The following OR5V1 variants were observed in gnomAD, a reference collection of about 807,000 sequenced individuals.
OR5V1 encodes olfactory receptor family 5 subfamily V member 1.
For synonymous variants in OR5V1, 134 were observed against 143.2 expected (o/e 0.94, Z 0.46); for missense variants, 365 against 371.5 (o/e 0.98, Z 0.14).
Position 29,355,650 on chromosome 6 carries a change from G to C in OR5V1, c.546C>G (p.Pro182=), listed in dbSNP as rs761878566. 1.9e-6 allele frequency: 3 copies of C among 1,613,998 alleles called. No individual in the cohort carries two copies. The South Asian group carries it at 3.3e-5, about 18-fold the overall frequency. Residue 182 remains proline, a synonymous_variant, in exon 2 of 2, where the codon CCC becomes CCG. Coordinates refer to ENST00000641768, the MANE Select transcript of OR5V1 (RefSeq NM_030876.6). ...TTCCACAAGACAAGATCAGCAAAGG[G>C]GGGATGTCACAGAAGAAGTAATTAA... ...NQINYFFCDI[P]PLLILSCGNT... is the part of the protein sequence containing the mutation.
chr6:29,355,541 T>C lies in OR5V1; in HGVS notation c.655A>G (p.Ile219Val), dbSNP rs1300941088. ...TPFLCIVLSY[I>V]CIISTILRIQ... ...CTCAAGATGGTGGAGATTATGCAAA[T>C]GTAGGAAAGTACGATACAAAGGAAA... Residue 219 changes from isoleucine (I) to valine (V), a missense_variant, in exon 2 of 2, where the codon ATT becomes GTT. By Grantham distance (29) the Ile-to-Val change is conservative. Coordinates refer to ENST00000641768, the MANE Select transcript of OR5V1 (RefSeq NM_030876.6). 3.2e-5 allele frequency: 51 copies of C among 1,613,962 alleles called. No individual in the cohort carries two copies. Among genetic ancestry groups the C allele is most frequent in the Non-Finnish European group, 4.2e-5 (49 of 1,179,898 alleles).
chr6:29,365,487 G>A (rs752809681), intron 1 of OR5V1, among the ~76,000 whole-genome samples: 2 of 152,108 alleles, frequency 1.3e-5, no homozygotes, highest in Non-Finnish European at 2.9e-5. Flanking sequence ...TCAAAAAGTG[G>A]GTGATGGATA....
intron 1 of OR5V1, among the ~76,000 whole-genome samples, chr6:29,362,826 A>C (rs1320604113): frequency 6.6e-6 from 1 of 152,060 alleles, no homozygotes; most frequent in Non-Finnish European, 1.5e-5. Flanking sequence ...TAGAGCACTA[A>C]ATGCCCACGT....
At chr6:29,364,887 A>AACAGCATG (rs1430740820) in intron 1 of OR5V1, among the ~76,000 whole-genome samples, 1 of 151,068 alleles carries the variant, frequency 6.6e-6, no homozygotes, top group Non-Finnish European at 1.5e-5. Flanking sequence ...CAGTAACCAA[A>AACAGCATG]ACAGCATGAT....
chr6:29,362,209 A>G (rs1778597871), intron 1 of OR5V1, among the ~76,000 whole-genome samples: 1 of 152,252 alleles, frequency 6.6e-6, no homozygotes, highest in African/African-American at 2.4e-5. Flanking sequence ...ACACAATGGT[A>G]AAGGGATCAA....
At chr6:29,367,681 ATTC>A (rs1778917439) in intron 1 of OR5V1, among the ~76,000 whole-genome samples, 3 of 152,158 alleles carry the variant, frequency 2.0e-5, no homozygotes, top group Non-Finnish European at 4.4e-5. Context: ...GTAGAAAAAA[ATTC>A]TTCTATTTCC....
At chr6:29,363,700 A>G (rs1042379412) in intron 1 of OR5V1, among the ~76,000 whole-genome samples, 1 of 152,132 alleles carries the variant, frequency 6.6e-6, no homozygotes, top group Non-Finnish European at 1.5e-5. Flanking sequence ...CAAAAACCAC[A>G]TGATTATCTC....
At position 29,355,775 on chromosome 6, in the gene OR5V1, A is replaced by C. The variant is rs759325695; in HGVS notation, c.421T>G (p.Cys141Gly). 1 of 1,614,098 alleles carries C rather than the reference A, an allele frequency of 6.2e-7. No individual in the cohort carries two copies. The change falls in exon 2 of 2, where the codon TGC becomes GGC. Residue 141 changes from cysteine (C) to glycine (G), a missense_variant. Physicochemically the swap from Cys to Gly is radical, Grantham distance 159 (BLOSUM62 -3). Coordinates refer to ENST00000641768, the MANE Select transcript of OR5V1 (RefSeq NM_030876.6). ...CAGCATGAGGCTGCTAATTGATTGC[A>C]TAGAACCTTGCTCAGAATAACTGAA... ...RYSVILSKVL[C>G]NQLAASCWAA...
chr6:29,355,891 A>T lies in OR5V1; in HGVS notation c.305T>A (p.Phe102Tyr), dbSNP rs769521361. Residue 102 changes from phenylalanine (F) to tyrosine (Y), a missense_variant, in exon 2 of 2, where the codon TTT becomes TAT. Phe to Tyr is a conservative substitution (Grantham distance 22). Transcript: ENST00000641768. Reference sequence around the variant, plus strand: ...TGATCCTACAAAGAAAACAAATGCAAAAAGTTGAACCACACACCCCACATA... The same window carrying T: ...TGATCCTACAAAGAAAACAAATGCATAAAGTTGAACCACACACCCCACATA... ...ISYVGCVVQL[F>Y]AFVFFVGSEC... 1 of 1,614,044 alleles carries T rather than the reference A, an allele frequency of 6.2e-7. No individual in the cohort carries two copies.
rs754676491 is a variant in OR5V1 at position 29,355,924 on chromosome 6, CT to C, written c.271del (p.Ser91AlafsTer18). 1.2e-6 allele frequency: 2 copies of C among 1,613,994 alleles called. No homozygotes were observed. The highest frequency in any genetic ancestry group is 1.1e-5 in the South Asian group (1 of 91,082). ...AACCACACACCCCACATAAGAAATGCTTTTTTTCTTTGAGAGGAGGTGCACC... is the reference window on the plus strand; with the variant it reads ...AACCACACACCCCACATAAGAAATGCTTTTTTCTTTGAGAGGAGGTGCACC... Reference protein sequence around the residue: ...MMVHLLSKKKSISYVGCVVQL... With the variant: ...MMVHLLSKKKXISYVGCVVQL... On this transcript the variant is annotated frameshift_variant, in exon 2 of 2. Coordinates refer to ENST00000641768, the MANE Select transcript of OR5V1 (RefSeq NM_030876.6). LOFTEE classifies it low-confidence loss of function (END_TRUNC).
At chr6:29,365,401 T>G (rs1361766427) in intron 1 of OR5V1, among the ~76,000 whole-genome samples, 1 of 149,958 alleles carries the variant, frequency 6.7e-6, no homozygotes, top group Non-Finnish European at 1.5e-5. Context: ...TGGCTATCTA[T>G]CCATCTGGCA....
chr6:29,367,775 CCT>C (rs1215169773), intron 1 of OR5V1, among the ~76,000 whole-genome samples: 1 of 152,024 alleles, frequency 6.6e-6, no homozygotes, highest in African/African-American at 2.4e-5. Context: ...ATAGATTGAC[CCT>C]GAGACAGAAT....
chr6:29,361,499 A>T (rs1778564571), intron 1 of OR5V1, among the ~76,000 whole-genome samples: 1 of 152,178 alleles, frequency 6.6e-6, no homozygotes, highest in African/African-American at 2.4e-5. Flanking sequence ...CCAAGGTCGA[A>T]ATGAAAGAAA....
intron 1 of OR5V1, among the ~76,000 whole-genome samples, chr6:29,360,787 G>T (rs1778530788): frequency 6.6e-6 from 1 of 152,152 alleles, no homozygotes; most frequent in Admixed American, 6.5e-5. Flanking sequence ...CAACCTCAAA[G>T]ATCAAAGGTA....
chr6:29,355,496 T>C lies in OR5V1; in HGVS notation c.700A>G (p.Arg234Gly), dbSNP rs762832188. 4.1e-5 allele frequency: 66 copies of C among 1,613,886 alleles called. 1 individual carries two copies. The highest frequency in any genetic ancestry group is 3.1e-4 in the East Asian group (14 of 44,898). The change falls in exon 2 of 2, where the codon AGA becomes GGA. Residue 234 changes from arginine (R) to glycine (G), a missense_variant. Physicochemically the swap from Arg to Gly is moderately radical, Grantham distance 125. Coordinates refer to ENST00000641768, the MANE Select transcript of OR5V1 (RefSeq NM_030876.6). ...GCACATGTAGAGAAGGCTTTTCGTC[T>C]TCCCTCTGAGGACTGGATCCTCAAG... is the stretch of plus-strand genomic sequence containing the variant. ...TILRIQSSEG[R>G]RKAFSTCASH...
Position 29,355,811 on chromosome 6 carries a change from G to T in OR5V1, c.385C>A (p.Pro129Thr), listed in dbSNP as rs1273461350. The T allele has an allele frequency of 1.2e-6, 2 of 1,613,932 alleles. No individual in the cohort carries two copies. The highest frequency in any genetic ancestry group is 3.3e-5 in the Admixed American group (2 of 59,946). The change falls in exon 2 of 2, where the codon CCT becomes ACT. Residue 129 changes from proline to threonine, a missense_variant. Transcript: ENST00000641768. ...AYDRYIAICN[P>T]LRYSVILSKV... Reference sequence around the variant, plus strand: ...CTCAGAATAACTGAATACCTTAAAGGATTGCAGATTGCAATGTAACGATCA... The same window carrying T: ...CTCAGAATAACTGAATACCTTAAAGTATTGCAGATTGCAATGTAACGATCA...
chr6:29,367,943 T>C (rs1317842731), intron 1 of OR5V1, among the ~76,000 whole-genome samples: 2 of 152,128 alleles, frequency 1.3e-5, no homozygotes, highest in Admixed American at 1.3e-4. Context: ...CATATCATAG[T>C]AAAGAGCTCA....
At position 29,361,813 on chromosome 6, in the gene OR5V1, C is replaced by A. The variant is rs1391783194; in HGVS notation, c.-82-5536G>T. On this transcript the variant is annotated intron_variant, in intron 1 of 1. Transcript: ENST00000641768. ...AAACAGGGAAAGGAAAAAGTAGTACCAGCCACTGCAAAAACACACCGTAAT... is the reference window on the plus strand; with the variant it reads ...AAACAGGGAAAGGAAAAAGTAGTACAAGCCACTGCAAAAACACACCGTAAT... Among the ~76,000 whole-genome samples the A allele has an allele frequency of 1.3e-5, 2 of 152,130 alleles. 1 individual carries two copies. The highest frequency in any genetic ancestry group is 4.1e-4 in the South Asian group (2 of 4,826).
Position 29,355,967 on chromosome 6 carries a change from T to G in OR5V1, c.229A>C (p.Asn77His). 1.2e-6 allele frequency: 2 copies of G among 1,614,066 alleles called. No homozygotes were observed. The highest frequency in any genetic ancestry group is 1.7e-6 in the Non-Finnish European group (2 of 1,179,960). The stretch of plus-strand genomic sequence containing the variant: ...AGGTGCACCATCATCTGGGGGACAT[T>G]GCTGGTGGTGTAGCAGATGTCAATA... ...AFIDICYTTS[N>H]VPQMMVHLLS... The change falls in exon 2 of 2, where the codon AAT becomes CAT. Residue 77 changes from asparagine to histidine, a missense_variant. By Grantham distance (68) the Asn-to-His change is moderately conservative. Coordinates refer to ENST00000641768, the MANE Select transcript of OR5V1 (RefSeq NM_030876.6).
Sources: gnomAD v4.1 joint callset for allele counts (sites outside exome capture counted in the v4.1 genomes callset) on GRCh38, gnomAD v4.1.1 for gene constraint, MANE v1.5 for transcripts, NCBI Gene and HGNC (gene_info 2026-07-23, HGNC 2026-07-21) for gene names.